CADPS: variants seen among roughly 807,000 people sequenced by gnomAD.
CADPS encodes calcium-dependent secretion activator 1.
CADPS carries 57 observed loss-of-function variants against 167.3 expected under a neutral mutation model. That is an observed-to-expected ratio of 0.34 (90% CI 0.28 to 0.42). The LOEUF is 0.42. Among genes scored for constraint, CADPS ranks in the 20% least tolerant of loss-of-function variants. The probability of loss-of-function intolerance (pLI) is 1.00; values close to 1 mark genes in which losing one functional copy is unlikely to be tolerated. For missense variants in CADPS, 1,414 were observed against 1,738.1 expected (o/e 0.81, Z 3.32); for synonymous variants, 676 against 635.3 (o/e 1.06, Z -0.96).
intron 9 of CADPS, 103 bp from the exon 10 acceptor site, chr3:62,557,616 G>A: frequency 4.5e-6 from 4 of 880,190 alleles, no homozygotes; most frequent in Non-Finnish European, 7.6e-6. Flanking sequence ...TGAGTGGCTG[G>A]GTTCAAACTG....
chr3:62,456,758 C>G (rs1208749792), intron 26 of CADPS, among the ~76,000 whole-genome samples: 2 of 133,702 alleles, frequency 1.5e-5, no homozygotes, highest in African/African-American at 6.2e-5. Flanking sequence ...TTATCTATCA[C>G]TGTCTAAAAA....
chr3:62,803,118 A>G (rs558763997), intron 1 of CADPS, among the ~76,000 whole-genome samples: 2 of 152,252 alleles, frequency 1.3e-5, no homozygotes, highest in Non-Finnish European at 2.9e-5. Flanking sequence ...GTTTTAATGC[A>G]TAGGAGAGCT....
chr3:62,468,019 C>T (rs1050745840), intron 24 of CADPS, among the ~76,000 whole-genome samples: 1 of 152,114 alleles, frequency 6.6e-6, no homozygotes, highest in African/African-American at 2.4e-5. Context: ...AATAATACAG[C>T]TAATGGCTTG....
intron 8 of CADPS, among the ~76,000 whole-genome samples, chr3:62,573,098 T>C (rs2081582603): frequency 6.6e-6 from 1 of 152,170 alleles, no homozygotes; most frequent in East Asian, 1.9e-4. Flanking sequence ...ACTAGGCTGG[T>C]CTCGAACTCT....
chr3:62,537,466 G>C (rs1373468227), intron 11 of CADPS, among the ~76,000 whole-genome samples: 1 of 152,176 alleles, frequency 6.6e-6, no homozygotes, highest in African/African-American at 2.4e-5. Context: ...AAATCCTAAA[G>C]AGGTAGAAAT....
At chr3:62,830,189 T>G (rs2074823437) in intron 1 of CADPS, among the ~76,000 whole-genome samples, 1 of 152,218 alleles carries the variant, frequency 6.6e-6, no homozygotes, top group African/African-American at 2.4e-5. Context: ...TGGCGCCTAG[T>G]GGATCTTCAC....
At chr3:62,692,658 GT>G (rs1477035019) in intron 3 of CADPS, among the ~76,000 whole-genome samples, 1 of 151,990 alleles carries the variant, frequency 6.6e-6, no homozygotes, top group African/African-American at 2.4e-5. Flanking sequence ...CATCAACCTA[GT>G]CCAAGCTACC....
intron 6 of CADPS, among the ~76,000 whole-genome samples, chr3:62,614,902 A>G (rs1288219669): frequency 6.6e-6 from 1 of 152,186 alleles, no homozygotes; most frequent in Non-Finnish European, 1.5e-5. Context: ...AAATGGGAAC[A>G]TAACATATGT....
intron 1 of CADPS, among the ~76,000 whole-genome samples, chr3:62,784,373 CTAAA>C (rs140151295): frequency 0.019 from 2,878 of 152,210 alleles, 41 homozygotes; most frequent in East Asian, 0.068. Context: ...GCATCTCAGA[CTAAA>C]TAAATAATTC....
At chr3:62,671,887 C>T (rs569624799) in intron 3 of CADPS, among the ~76,000 whole-genome samples, 1 of 152,238 alleles carries the variant, frequency 6.6e-6, no homozygotes, top group East Asian at 1.9e-4. Flanking sequence ...CTCAGCCTCC[C>T]AAGAAGCTGG....
intron 21 of CADPS, among the ~76,000 whole-genome samples, chr3:62,488,584 C>T (rs549797352): frequency 6.6e-6 from 1 of 152,182 alleles, no homozygotes; most frequent in East Asian, 1.9e-4. Flanking sequence ...CCTTGAACTC[C>T]TGGGCTCAAG....
chr3:62,472,266 C>T (rs1372026348), intron 24 of CADPS, among the ~76,000 whole-genome samples: 1 of 152,228 alleles, frequency 6.6e-6, no homozygotes, highest in Non-Finnish European at 1.5e-5. Flanking sequence ...CTAAAATTGA[C>T]CGTGGTGATG....
In CADPS at chr3:62,455,732, C is replaced by T. The variant is rs1375027492; in HGVS notation, c.3636+9635G>A. ...CATCTCTCAACACTAAGAAGGGTGA[C>T]AGAATGCAAGCTTGAAGAGGACAAG... On this transcript the variant is annotated intron_variant, in intron 26 of 29. Coordinates refer to ENST00000383710, the MANE Select transcript of CADPS (RefSeq NM_003716.4). This position sits in a 1 kb window ranked among gnomAD's most constrained non-coding sequence, Gnocchi z 4.4. 6.6e-6 allele frequency among the ~76,000 whole-genome samples: 1 copy of T among 152,150 alleles called. No individual in the cohort carries two copies. Among genetic ancestry groups the T allele is most frequent in the Non-Finnish European group, 1.5e-5 (1 of 68,040 alleles).
intron 11 of CADPS, among the ~76,000 whole-genome samples, chr3:62,542,007 G>A (rs1425388115): frequency 6.6e-6 from 1 of 152,040 alleles, no homozygotes; most frequent in East Asian, 1.9e-4. Flanking sequence ...ACAGCTTAGG[G>A]ATTGAAGATA....
In CADPS at chr3:62,544,879, G is replaced by A; in HGVS notation, c.1966+5024C>T. ...GTCCAGCTAGAAGTTAGCAGGGTAA[G>A]AAGGAACAAACCAGAATAACATAAA... On this transcript the variant is annotated intron_variant, in intron 11 of 29. Coordinates refer to ENST00000383710, the MANE Select transcript of CADPS (RefSeq NM_003716.4). The surrounding 1 kb of genome is among the most constrained non-coding windows in gnomAD (Gnocchi z 4.4). The A allele has an allele frequency of 8.1e-7, 1 of 1,241,448 alleles. No individual in the cohort carries two copies. Among genetic ancestry groups the A allele is most frequent in the Non-Finnish European group, 1.0e-6 (1 of 964,986 alleles). The allele number at this position is 1,241,448 out of a possible 1,614,324, so 76.9% of individuals were successfully genotyped here.
At chr3:62,620,592 G>A (rs1197105772) in intron 6 of CADPS, among the ~76,000 whole-genome samples, 1 of 152,140 alleles carries the variant, frequency 6.6e-6, no homozygotes, top group Non-Finnish European at 1.5e-5. Context: ...AGACACTGAT[G>A]TCCAAAGAAG....
intron 8 of CADPS, among the ~76,000 whole-genome samples, chr3:62,576,788 T>TTA (rs1553936618): frequency 0.17 from 5,151 of 29,838 alleles, 1,712 homozygotes; most frequent in Middle Eastern, 0.41. Flanking sequence ...AGACTCTGTC[T>TTA]AAAAAAAAAA....
chr3:62,671,579 A>G (rs1232303820), intron 3 of CADPS, among the ~76,000 whole-genome samples: 1 of 151,952 alleles, frequency 6.6e-6, no homozygotes, highest in Non-Finnish European at 1.5e-5. Context: ...GGCTCCCATC[A>G]TCTCCATCCT....
chr3:62,766,046 T>C, intron 1 of CADPS, 62 bp from the exon 2 acceptor site: 1 of 1,233,328 alleles, frequency 8.1e-7, no homozygotes, highest in Non-Finnish European at 1.2e-6. Context: ...TCATGGATAC[T>C]TTATGCTGAA....
Sources: gnomAD v4.1 joint callset for allele counts (sites outside exome capture counted in the v4.1 genomes callset) on GRCh38, gnomAD v4.1.1 for gene constraint, Gnocchi (gnomAD v3.1) non-coding constraint, MANE v1.5 for transcripts, NCBI Gene and HGNC (gene_info 2026-07-23, HGNC 2026-07-21) for gene names.